Variants in LGR4 observed in about 807,000 individuals in gnomAD.
LGR4 encodes leucine rich repeat containing G protein-coupled receptor 4, also known as leucine-rich repeat-containing G protein-coupled receptor 4.
Under a neutral mutation model 84.8 loss-of-function variants are expected in LGR4, and 44 were observed. That is an observed-to-expected ratio of 0.52 (90% CI 0.41 to 0.67). The LOEUF is 0.67. LGR4 is among the 30% of genes least tolerant of loss of function. The pLI, the probability that LGR4 is intolerant of heterozygous loss-of-function variation, is 0.00. For missense variants in LGR4, 1,032 were observed against 1,131.4 expected (o/e 0.91, Z 1.26); for synonymous variants, 429 against 434.3 (o/e 0.99, Z 0.15).
intron 9 of LGR4, 54 bp downstream of exon 9, chr11:27,380,586 C>T: frequency 8.3e-7 from 1 of 1,207,632 alleles, no homozygotes; most frequent in Non-Finnish European, 1.2e-6. Context: ...TTCTTGTTTT[C>T]CACTAAAACA....
chr11:27,466,123 T>A (rs1386373908), intron 1 of LGR4, among the ~76,000 whole-genome samples: 1 of 152,210 alleles, frequency 6.6e-6, no homozygotes, highest in Non-Finnish European at 1.5e-5. Flanking sequence ...AGAGCAAAGG[T>A]GTCTTATAAA....
rs1054253280 is a variant in LGR4, at chr11:27,435,776, C to T, written c.186-22916G>A. Among the ~76,000 whole-genome samples, 10 of 152,176 alleles carry T rather than the reference C, an allele frequency of 6.6e-5. No homozygotes were observed. In the East Asian group the frequency reaches 1.9e-3, roughly 30 times the overall value. On this transcript the variant is annotated intron_variant, in intron 1 of 17. Coordinates refer to ENST00000379214, the MANE Select transcript of LGR4 (RefSeq NM_018490.5). ...GTGCTGTGATTACAGGTATAAGCAA[C>T]TGTGCCCAGCTCATCAACTACTTTG...
At chr11:27,471,145 C>T (rs1864864029) in intron 1 of LGR4, among the ~76,000 whole-genome samples, 1 of 152,212 alleles carries the variant, frequency 6.6e-6, no homozygotes, top group Non-Finnish European at 1.5e-5. Context: ...GCCTTTGCCA[C>T]CACCTCCACA....
chr11:27,388,979 T>C (rs1863233905), intron 4 of LGR4, among the ~76,000 whole-genome samples: 1 of 152,166 alleles, frequency 6.6e-6, no homozygotes, highest in Admixed American at 6.6e-5. Context: ...GTATCAACAA[T>C]TGGCTTTCAG....
At chr11:27,429,750 G>A (rs1178763607) in intron 1 of LGR4, among the ~76,000 whole-genome samples, 1 of 152,182 alleles carries the variant, frequency 6.6e-6, no homozygotes, top group Non-Finnish European at 1.5e-5. Context: ...AAGAAAAGGA[G>A]AGAATTTCCT....
At chr11:27,463,207 G>C (rs1864716265) in intron 1 of LGR4, among the ~76,000 whole-genome samples, 2 of 151,622 alleles carry the variant, frequency 1.3e-5, no homozygotes, top group Admixed American at 1.3e-4. Context: ...AGCCATGATT[G>C]TGCCACTGCA....
At position 27,368,162 on chromosome 11, in the gene LGR4, T is replaced by A. The variant is rs201752835; in HGVS notation, c.2561A>T (p.Asn854Ile). The A allele has an allele frequency of 6.2e-7, 1 of 1,614,208 alleles. No homozygotes were observed. Reference sequence around the variant, plus strand: ...TTCGCAGCAGTCGCAAACAGTCAGGTTGCCCTGCAAATGTGAGTACATGCC... The same window carrying A: ...TTCGCAGCAGTCGCAAACAGTCAGGATGCCCTGCAAATGTGAGTACATGCC... ...DCGMYSHLQG[N>I]LTVCDCCESF... is the part of the protein sequence containing the mutation. Residue 854 changes from asparagine (N) to isoleucine (I), a missense_variant, in exon 18 of 18, where the codon AAC becomes ATC. By Grantham distance (149) the Asn-to-Ile change is moderately radical. Transcript: ENST00000379214.
intron 1 of LGR4, among the ~76,000 whole-genome samples, chr11:27,435,032 G>A (rs140110920): frequency 2.1e-4 from 32 of 152,174 alleles, no homozygotes; most frequent in African/African-American, 6.7e-4. Context: ...CCTTCCTGAC[G>A]AGCTACTTAT....
At chr11:27,392,388 T>A in intron 3 of LGR4, 59 bp downstream of exon 3, 1 of 1,325,700 alleles carries the variant, frequency 7.5e-7, no homozygotes, top group South Asian at 1.4e-5. Flanking sequence ...CCAAGCATGT[T>A]GACTACGCAG....
chr11:27,378,789 T>C, intron 10 of LGR4, 21 bp from the exon 11 acceptor site: 1 of 1,574,364 alleles, frequency 6.4e-7, no homozygotes. Flanking sequence ...ACATTATTCA[T>C]GTAAGAAATA....
chr11:27,409,536 C>A (rs543531029), intron 2 of LGR4, among the ~76,000 whole-genome samples: 1 of 152,216 alleles, frequency 6.6e-6, no homozygotes, highest in African/African-American at 2.4e-5. Flanking sequence ...AAATGGCACC[C>A]AGTTATTCAG....
At chr11:27,440,982 T>G (rs1183847702) in intron 1 of LGR4, among the ~76,000 whole-genome samples, 2 of 152,188 alleles carry the variant, frequency 1.3e-5, no homozygotes, top group Non-Finnish European at 2.9e-5. Context: ...AAAGCACTTT[T>G]ATGCTCGTGA....
At chr11:27,443,360 T>C (rs1332353571) in intron 1 of LGR4, among the ~76,000 whole-genome samples, 1 of 152,158 alleles carries the variant, frequency 6.6e-6, no homozygotes, top group Non-Finnish European at 1.5e-5. Flanking sequence ...CCAGAGAGGT[T>C]AGAAGTCTGA....
chr11:27,381,288 T>G (rs1416909363), intron 7 of LGR4, among the ~76,000 whole-genome samples: 2 of 152,226 alleles, frequency 1.3e-5, no homozygotes, highest in Non-Finnish European at 2.9e-5. Context: ...AGCCTGTATT[T>G]AGCCTCTTGG....
Position 27,375,200 on chromosome 11 carries a change from C to T in LGR4, c.1181+1099G>A, listed in dbSNP as rs567161160. ...CCCTCAGCTATTCAGGAGGTTGAGGCAGGAGGATTGTTTGAGCTCAGGCGT... is the reference window on the plus strand; with the variant it reads ...CCCTCAGCTATTCAGGAGGTTGAGGTAGGAGGATTGTTTGAGCTCAGGCGT... On this transcript the variant is annotated intron_variant, in intron 13 of 17. Transcript: ENST00000379214. Among the ~76,000 whole-genome samples, 166 of 147,142 alleles carry T rather than the reference C, an allele frequency of 1.1e-3. 3 individuals are homozygous for T. Among genetic ancestry groups the T allele is most frequent in the African/African-American group, 3.8e-3 (150 of 39,976 alleles).
chr11:27,433,161 A>G (rs1864142027), intron 1 of LGR4, among the ~76,000 whole-genome samples: 1 of 152,214 alleles, frequency 6.6e-6, no homozygotes, highest in African/African-American at 2.4e-5. Flanking sequence ...TCAGAAAAGG[A>G]ATGTTAAGGA....
intron 1 of LGR4, among the ~76,000 whole-genome samples, chr11:27,459,665 C>T (rs573141847): frequency 2.4e-4 from 36 of 151,914 alleles, no homozygotes; most frequent in African/African-American, 8.2e-4. Flanking sequence ...TCAGTAGAGA[C>T]GGGGTTTCAC....
chr11:27,398,759 T>G (rs957326685), intron 2 of LGR4, among the ~76,000 whole-genome samples: 1 of 152,182 alleles, frequency 6.6e-6, no homozygotes, highest in Non-Finnish European at 1.5e-5. Context: ...TGTTCCTACC[T>G]TCCCTTTGCA....
chr11:27,410,529 G>A (rs1771782259), intron 2 of LGR4, among the ~76,000 whole-genome samples: 1 of 152,028 alleles, frequency 6.6e-6, no homozygotes, highest in Non-Finnish European at 1.5e-5. Context: ...CAGTTATGCT[G>A]TTTATGAAAT....
Sources: gnomAD v4.1 joint callset for allele counts (sites outside exome capture counted in the v4.1 genomes callset) on GRCh38, gnomAD v4.1.1 for gene constraint, MANE v1.5 for transcripts, NCBI Gene and HGNC (gene_info 2026-07-23, HGNC 2026-07-21) for gene names.